Variants in ULK4 observed in about 807,000 individuals in gnomAD.
The protein encoded by ULK4 is unc-51 like kinase 4.
Under a neutral mutation model 160.6 loss-of-function variants are expected in ULK4, and 133 were observed. The ratio of observed to expected loss-of-function variants is 0.83; its 90% CI spans 0.72 to 0.96. ULK4 has a LOEUF of 0.96. Ranked by LOEUF, ULK4 falls within the 40% of genes least tolerant of loss-of-function variation. ULK4 has a pLI of 0.00. For missense variants in ULK4, 1,580 were observed against 1,499.5 expected, an observed-to-expected ratio of 1.05 and a Z score of -0.89; for synonymous variants, 534 against 539.8, an observed-to-expected ratio of 0.99 and a Z score of 0.15.
At chr3:41,666,593 G>A (rs1248451803) in intron 29 of ULK4, among the ~76,000 whole-genome samples, 1 of 152,146 alleles carries the variant, frequency 6.6e-6, no homozygotes, top group Non-Finnish European at 1.5e-5. Flanking sequence ...CTTCTGATGA[G>A]TCCTTCGTGT....
chr3:41,606,852 G>A (rs2032406540), intron 31 of ULK4, among the ~76,000 whole-genome samples: 1 of 151,960 alleles, frequency 6.6e-6, no homozygotes, highest in Non-Finnish European at 1.5e-5. Context: ...CGTACATTCT[G>A]GACATTAGTC....
At chr3:41,670,990 T>A (rs1468928318) in intron 29 of ULK4, among the ~76,000 whole-genome samples, 2 of 152,038 alleles carry the variant, frequency 1.3e-5, no homozygotes, top group Non-Finnish European at 2.9e-5. Context: ...AGGCACAGAC[T>A]CAAAACATTA....
chr3:41,505,172 G>A (rs1006154219), intron 32 of ULK4, among the ~76,000 whole-genome samples: 12 of 152,234 alleles, frequency 7.9e-5, no homozygotes, highest in South Asian at 2.1e-4. Context: ...CAGAAAAAGC[G>A]TACATAAGTG....
intron 35 of ULK4, among the ~76,000 whole-genome samples, chr3:41,338,210 T>C (rs2080607349): frequency 6.6e-6 from 1 of 152,208 alleles, no homozygotes; most frequent in South Asian, 2.1e-4. Context: ...TAAGAGTACC[T>C]GGCAGCTGGA....
chr3:41,946,788 T>C (rs1700125541), intron 2 of ULK4, among the ~76,000 whole-genome samples: 1 of 152,146 alleles, frequency 6.6e-6, no homozygotes, highest in Admixed American at 6.5e-5. Flanking sequence ...TTTAATTGGG[T>C]TAAGTTTTAC....
At chr3:41,472,731 C>CA (rs1352894364) in intron 32 of ULK4, among the ~76,000 whole-genome samples, 1 of 152,070 alleles carries the variant, frequency 6.6e-6, no homozygotes, top group African/African-American at 2.4e-5. Flanking sequence ...CAAACTCTTC[C>CA]AAAAAATCGA....
intron 22 of ULK4, among the ~76,000 whole-genome samples, chr3:41,741,475 T>C (rs1378993771): frequency 2.0e-5 from 3 of 151,950 alleles, no homozygotes; most frequent in Non-Finnish European, 4.4e-5. Context: ...AGCATTTCAA[T>C]ACCAATGGAT....
At chr3:41,440,317 T>C (rs1196928084) in intron 34 of ULK4, among the ~76,000 whole-genome samples, 2 of 152,174 alleles carry the variant, frequency 1.3e-5, no homozygotes, top group Non-Finnish European at 2.9e-5. Flanking sequence ...CCATTAAGTA[T>C]AATGCTAACT....
At chr3:41,762,655 C>CTTTTTTTTT (rs35695794) in intron 21 of ULK4, among the ~76,000 whole-genome samples, 1 of 88,976 alleles carries the variant, frequency 1.1e-5, no homozygotes, top group Non-Finnish European at 2.1e-5. Flanking sequence ...AAGTGTTACA[C>CTTTTTTTTT]TTTTTTTTTT....
intron 17 of ULK4, among the ~76,000 whole-genome samples, chr3:41,878,101 A>C (rs1006542549): frequency 9.3e-5 from 14 of 150,320 alleles, no homozygotes; most frequent in Non-Finnish European, 2.9e-5. Flanking sequence ...AAAAAAAAAA[A>C]ACCTAGAGAA....
chr3:41,312,119 T>A (rs1228535488), intron 35 of ULK4, among the ~76,000 whole-genome samples: 1 of 151,924 alleles, frequency 6.6e-6, no homozygotes, highest in Non-Finnish European at 1.5e-5. Context: ...GGCTTACAGA[T>A]ATGTACTACC....
intron 34 of ULK4, among the ~76,000 whole-genome samples, chr3:41,421,759 A>T (rs1453358332): frequency 1.2e-4 from 18 of 152,294 alleles, no homozygotes; most frequent in Admixed American, 9.8e-4. Flanking sequence ...TATGAGACTT[A>T]TTATAGCTTC....
At chr3:41,417,865 C>T (rs538597328) in intron 34 of ULK4, among the ~76,000 whole-genome samples, 1 of 152,298 alleles carries the variant, frequency 6.6e-6, no homozygotes, top group Non-Finnish European at 1.5e-5. Flanking sequence ...CTCTGGTATA[C>T]TGTCTATTTA....
At chr3:41,351,449 GAAGTA>G (rs796122823) in intron 35 of ULK4, among the ~76,000 whole-genome samples, 9 of 152,336 alleles carry the variant, frequency 5.9e-5, no homozygotes, top group African/African-American at 1.7e-4. Flanking sequence ...AAATGCTGCA[GAAGTA>G]AAGTGGCATA....
intron 34 of ULK4, 133 bp downstream of exon 34, chr3:41,455,364 A>G: frequency 5.2e-6 from 4 of 771,750 alleles, no homozygotes; most frequent in Non-Finnish European, 5.9e-6. Flanking sequence ...AGGCCAAATA[A>G]TCTTCTGAAA....
intron 17 of ULK4, among the ~76,000 whole-genome samples, chr3:41,852,922 G>GA (rs2042252061): frequency 6.6e-6 from 1 of 152,126 alleles, no homozygotes; most frequent in Non-Finnish European, 1.5e-5. Flanking sequence ...AAGCAGTGGT[G>GA]AAAAAAATCT....
At chr3:41,922,348 A>C (rs1699217189) in intron 5 of ULK4, among the ~76,000 whole-genome samples, 1 of 152,020 alleles carries the variant, frequency 6.6e-6, no homozygotes, top group Non-Finnish European at 1.5e-5. Flanking sequence ...TTTGCCAGGC[A>C]TGGTGGTATA....
At chr3:41,610,200 T>C (rs1029844352) in intron 31 of ULK4, among the ~76,000 whole-genome samples, 2 of 151,796 alleles carry the variant, frequency 1.3e-5, no homozygotes, top group African/African-American at 4.8e-5. Context: ...TTATTTTTTG[T>C]AGAGATGGGG....
chr3:41,481,803 G>T (rs1334285305), intron 32 of ULK4, among the ~76,000 whole-genome samples: 3 of 144,184 alleles, frequency 2.1e-5, no homozygotes, highest in South Asian at 2.3e-4. Flanking sequence ...CTCCAGCCTG[G>T]GCGACAGAGC....
Sources: gnomAD v4.1 joint callset for allele counts (sites outside exome capture counted in the v4.1 genomes callset) on GRCh38, gnomAD v4.1.1 for gene constraint, MANE v1.5 for transcripts, NCBI Gene and HGNC (gene_info 2026-07-23, HGNC 2026-07-21) for gene names.